The following UMODL1 variants were observed in gnomAD, a reference collection of about 807,000 sequenced individuals.
UMODL1 encodes uromodulin-like 1.
A neutral mutation model predicts 136.3 loss-of-function variants in UMODL1; 128 were observed. The ratio of observed to expected loss-of-function variants is 0.94; its 90% CI spans 0.81 to 1.09. UMODL1 has a LOEUF of 1.09. UMODL1 is among the 50% of genes least tolerant of loss of function. The pLI is 0.00. For synonymous variants in UMODL1, 721 were observed against 720.0 expected (o/e 1.00, Z -0.02); for missense variants, 1,766 against 1,725.6 (o/e 1.02, Z -0.41).
At chr21:42,078,929 G>C (rs2066327600) in intron 2 of UMODL1, among the ~76,000 whole-genome samples, 1 of 152,222 alleles carries the variant, frequency 6.6e-6, no homozygotes, top group Non-Finnish European at 1.5e-5. Context: ...AGAGGGGCCT[G>C]CTGAGCTACA....
At chr21:42,114,259 C>T (rs1003331626) in intron 13 of UMODL1, among the ~76,000 whole-genome samples, 1 of 152,220 alleles carries the variant, frequency 6.6e-6, no homozygotes, top group African/African-American at 2.4e-5. Flanking sequence ...CTGTGAGCAG[C>T]CTGCCAGAGC....
chr21:42,134,982 A>G (rs1296849488), intron 21 of UMODL1, among the ~76,000 whole-genome samples: 1 of 152,188 alleles, frequency 6.6e-6, no homozygotes, highest in Admixed American at 6.5e-5. Flanking sequence ...GTTGTTACAT[A>G]GGTGTACATG....
intron 1 of UMODL1, among the ~76,000 whole-genome samples, chr21:42,065,532 CT>C (rs1284797584): frequency 3.4e-5 from 5 of 148,114 alleles, no homozygotes; most frequent in South Asian, 4.3e-4. Flanking sequence ...AGATCTCTTT[CT>C]TTTTTTTTCT....
intron 12 of UMODL1, 51 bp from the exon 13 acceptor site, chr21:42,113,522 C>T (rs2066863322): frequency 6.4e-7 from 1 of 1,571,688 alleles, no homozygotes; most frequent in African/African-American, 1.4e-5. Context: ...GGCTTCTTTT[C>T]TCCTAGAAAT....
Position 42,099,140 on chromosome 21 carries a change from G to A in UMODL1, c.1146G>A (p.Gly382=). 1.2e-6 allele frequency: 2 copies of A among 1,613,612 alleles called. No homozygotes were observed. Among genetic ancestry groups the A allele is most frequent in the Non-Finnish European group, 1.7e-6 (2 of 1,180,022 alleles). ...VLYRVKTSYQ[G]CGADVSTTLT... is the part of the protein sequence containing the mutation. ...ACAGGGTGAAGACCAGCTACCAGGG[G>A]TGCGGGGCCGACGTCTCCACCACGC... is the stretch of plus-strand genomic sequence containing the variant. Residue 382 remains glycine, a synonymous_variant, in exon 7 of 23, where the codon GGG becomes GGA. Transcript: ENST00000408910. The surrounding 1 kb of genome is among the most constrained non-coding windows in gnomAD (Gnocchi z 4.1).
At chr21:42,073,840 G>GTTTCCCT (rs1470353755) in intron 1 of UMODL1, among the ~76,000 whole-genome samples, 1 of 152,146 alleles carries the variant, frequency 6.6e-6, no homozygotes, top group Non-Finnish European at 1.5e-5. Context: ...ACTCATTGAG[G>GTTTCCCT]GAAATCAACT....
intron 9 of UMODL1, among the ~76,000 whole-genome samples, chr21:42,106,128 G>T (rs994478197): frequency 6.6e-6 from 1 of 152,178 alleles, no homozygotes; most frequent in Non-Finnish European, 1.5e-5. Context: ...CGGGGAGGCG[G>T]CCCTGCCTCT....
At chr21:42,105,199 T>C (rs1199990967) in intron 9 of UMODL1, among the ~76,000 whole-genome samples, 1 of 152,214 alleles carries the variant, frequency 6.6e-6, no homozygotes, top group Non-Finnish European at 1.5e-5. Context: ...CAGTGGCCCC[T>C]GTACCTGGTA....
In UMODL1 at chr21:42,115,880, G is replaced by A; in HGVS notation, c.2370G>A (p.Arg790=). ...RAHLKVRTAA[R]KLIGKVRIKN... ...TTATCCTCCATCCTGCAGCAGCCCG[G>A]AAGCTCATTGGAAAGGTCAGAATCA... Residue 790 remains arginine, a synonymous_variant, in exon 14 of 23, where the codon CGG becomes CGA. Coordinates refer to ENST00000408910, the MANE Select transcript of UMODL1 (RefSeq NM_001004416.3). 1 of 1,613,914 alleles carries A rather than the reference G, an allele frequency of 6.2e-7. No individual in the cohort carries two copies. Among genetic ancestry groups the A allele is most frequent in the South Asian group, 1.1e-5 (1 of 91,076 alleles).
At chr21:42,103,258 C>G (rs2066660312) in intron 8 of UMODL1, 1 of 218,060 alleles carries the variant, frequency 4.6e-6, no homozygotes, top group Non-Finnish European at 9.3e-6. Context: ...AGTGTTGCTT[C>G]CCAACATTTG....
chr21:42,135,812 C>T (rs1437771611), intron 21 of UMODL1, among the ~76,000 whole-genome samples: 1 of 152,156 alleles, frequency 6.6e-6, no homozygotes, highest in African/African-American at 2.4e-5. Flanking sequence ...GGCTTATGTT[C>T]AGCACCCCAG....
chr21:42,088,394 C>G lies in UMODL1; in HGVS notation c.704C>G (p.Pro235Arg). ...TTVSRLLLGL[P>R]RPLPVADVST... The stretch of plus-strand genomic sequence containing the variant: ...GTGTCGCGGCTGCTACTGGGCCTGC[C>G]ACGGCCACTGCCTGTGGCTGACGTC... Residue 235 changes from proline (P) to arginine (R), a missense_variant, in exon 5 of 23, where the codon CCA becomes CGA. Coordinates refer to ENST00000408910, the MANE Select transcript of UMODL1 (RefSeq NM_001004416.3). The G allele has an allele frequency of 6.2e-7, 1 of 1,614,038 alleles. No homozygotes were observed.
In UMODL1 at chr21:42,111,071, A is replaced by G. The variant is rs1424179204; in HGVS notation, c.1849A>G (p.Asn617Asp). Residue 617 changes from asparagine to aspartate, a missense_variant, in exon 11 of 23, where the codon AAT becomes GAT. Asn to Asp is a conservative substitution (Grantham distance 23, BLOSUM62 1). Coordinates refer to ENST00000408910, the MANE Select transcript of UMODL1 (RefSeq NM_001004416.3). ...GCCCTCACCCAGAAGAGGGGGCAGC[A>G]ATGTGGTCGGGTATGACAGGAACAA... ...PEPSPRRGGS[N>D]VVGYDRNNTG... 1.2e-6 allele frequency: 2 copies of G among 1,613,420 alleles called. No homozygotes were observed. Among genetic ancestry groups the G allele is most frequent in the Non-Finnish European group, 1.7e-6 (2 of 1,179,824 alleles).
intron 9 of UMODL1, chr21:42,108,217 G>A: frequency 4.3e-6 from 2 of 460,652 alleles, no homozygotes; most frequent in Admixed American, 2.4e-5. Context: ...CTTGCCTGGT[G>A]CCTCTGCTGT....
chr21:42,069,974 T>C (rs2066215566), upstream of UMODL1, among the ~76,000 whole-genome samples: 2 of 152,238 alleles, frequency 1.3e-5, no homozygotes, highest in Admixed American at 6.5e-5. Context: ...AAAGCTGCTG[T>C]GTTCCAAGGA....
intron 1 of UMODL1, among the ~76,000 whole-genome samples, 154 bp downstream of exon 1, chr21:42,071,546 A>G (rs1418678560): frequency 1.3e-5 from 2 of 152,160 alleles, no homozygotes; most frequent in African/African-American, 4.8e-5. Flanking sequence ...GCTTTTTGGT[A>G]AGCGCACATG....
intron 22 of UMODL1, among the ~76,000 whole-genome samples, chr21:42,139,657 C>T (rs1326791437): frequency 5.3e-5 from 8 of 152,104 alleles, no homozygotes; most frequent in Non-Finnish European, 7.4e-5. Context: ...GACCCAGCAC[C>T]GACCCACCAG....
In UMODL1 at chr21:42,085,878, G is replaced by A. The variant is rs1216898152; in HGVS notation, c.603+466G>A. On this transcript the variant is annotated intron_variant, in intron 4 of 22. Transcript: ENST00000408910. The surrounding 1 kb of genome is among the most constrained non-coding windows in gnomAD (Gnocchi z 4.5). The stretch of plus-strand genomic sequence containing the variant: ...AGAGCACCCTGGGGTCTGATGGTTA[G>A]CAGCGCCCCTGGCCTCTCCACACAA... 6.6e-6 allele frequency among the ~76,000 whole-genome samples: 1 copy of A among 152,184 alleles called. No homozygotes were observed. Among genetic ancestry groups the A allele is most frequent in the Non-Finnish European group, 1.5e-5 (1 of 68,028 alleles).
upstream of UMODL1, among the ~76,000 whole-genome samples, chr21:42,070,316 A>C (rs1407344466): frequency 6.6e-6 from 1 of 152,262 alleles, no homozygotes; most frequent in African/African-American, 2.4e-5. Context: ...GGGCTTCAGC[A>C]GTCAACACTA....
Sources: allele counts gnomAD v4.1 joint callset (sites outside exome capture counted in the v4.1 genomes callset), GRCh38; gene constraint gnomAD v4.1.1; non-coding constraint Gnocchi (gnomAD v3.1); transcripts MANE v1.5; gene names NCBI Gene and HGNC (gene_info 2026-07-23, HGNC 2026-07-21).